The following DLGAP2 variants were observed in gnomAD, a reference collection of about 807,000 sequenced individuals.
DLGAP2 encodes disks large-associated protein 2.
A neutral mutation model predicts 100.3 loss-of-function variants in DLGAP2; 26 were observed. The observed-to-expected ratio is 0.26, with a 90% CI of 0.19 to 0.36. DLGAP2 has a LOEUF of 0.36. Ranked by LOEUF, DLGAP2 falls within the 10% of genes least tolerant of loss-of-function variation. The pLI, the probability that DLGAP2 is intolerant of heterozygous loss-of-function variation, is 1.00. For missense variants in DLGAP2, 1,858 were observed against 1,453.2 expected, an observed-to-expected ratio of 1.28 and a Z score of -4.53; for synonymous variants, 886 against 630.1, an observed-to-expected ratio of 1.41 and a Z score of -6.08.
intron 3 of DLGAP2, among the ~76,000 whole-genome samples, chr8:1,454,623 A>C (rs758847612): frequency 3.3e-5 from 5 of 152,130 alleles, no homozygotes; most frequent in Non-Finnish European, 7.4e-5. Flanking sequence ...TACATTTCCG[A>C]GCTCCATTCC....
chr8:818,287 T>C lies in DLGAP2; in HGVS notation c.18+80462T>C, dbSNP rs1585896277. ...GGTCGCTAGGGAAGTGGGGGAAAGC[T>C]GTCAGTGACAGACCTCACCCCACTC... is the stretch of plus-strand genomic sequence containing the variant. On this transcript the variant is annotated intron_variant, in intron 1 of 14. Coordinates refer to ENST00000637795, the MANE Select transcript of DLGAP2 (RefSeq NM_001346810.2). 2.6e-5 allele frequency among the ~76,000 whole-genome samples: 4 copies of C among 152,266 alleles called. No homozygotes were observed. In the South Asian group the frequency reaches 8.3e-4, roughly 32 times the overall value.
At chr8:1,576,786 A>T (rs1406736709) in intron 6 of DLGAP2, among the ~76,000 whole-genome samples, 2 of 152,100 alleles carry the variant, frequency 1.3e-5, no homozygotes, top group African/African-American at 4.8e-5. Flanking sequence ...GATGTGTGGT[A>T]TTATTTCTGA....
intron 2 of DLGAP2, among the ~76,000 whole-genome samples, chr8:962,640 CA>C (rs1337058245): frequency 6.6e-6 from 1 of 152,012 alleles, no homozygotes; most frequent in Non-Finnish European, 1.5e-5. Flanking sequence ...AACCCTGTGA[CA>C]AAATGGAGAG....
At chr8:1,693,412 A>G (rs967377891) in intron 13 of DLGAP2, among the ~76,000 whole-genome samples, 1 of 151,846 alleles carries the variant, frequency 6.6e-6, no homozygotes, top group African/African-American at 2.4e-5. Flanking sequence ...TTGGCTGACT[A>G]AAGTATTCAC....
chr8:1,045,119 G>A (rs1334197008), intron 2 of DLGAP2, among the ~76,000 whole-genome samples: 1 of 152,216 alleles, frequency 6.6e-6, no homozygotes, highest in Non-Finnish European at 1.5e-5. Flanking sequence ...AACCACAGAG[G>A]TTGAACGCAG....
At chr8:1,384,711 G>A (rs1480870934) in intron 3 of DLGAP2, among the ~76,000 whole-genome samples, 1 of 64,192 alleles carries the variant, frequency 1.6e-5, no homozygotes, top group African/African-American at 6.5e-5. Flanking sequence ...CAGTTACCCC[G>A]GCCTATGCCC....
At chr8:1,529,072 T>G (rs2130447495) in intron 4 of DLGAP2, among the ~76,000 whole-genome samples, 1 of 117,496 alleles carries the variant, frequency 8.5e-6, no homozygotes, top group East Asian at 2.4e-4. Context: ...AAGAGCTGCC[T>G]GAGACTGGGT....
At chr8:1,330,880 T>C (rs1801141739) in intron 3 of DLGAP2, among the ~76,000 whole-genome samples, 1 of 147,344 alleles carries the variant, frequency 6.8e-6, no homozygotes, top group African/African-American at 2.6e-5. Flanking sequence ...GGAGCATCGC[T>C]TCACGGGGAC....
intron 2 of DLGAP2, among the ~76,000 whole-genome samples, chr8:944,254 GA>G (rs1377002526): frequency 6.7e-6 from 1 of 149,914 alleles, no homozygotes; most frequent in Non-Finnish European, 1.5e-5. Flanking sequence ...GGTGGTAATT[GA>G]TCCTTGTGGG....
Position 1,467,065 on chromosome 8 carries a change from G to T in DLGAP2, c.107-34301G>T, listed in dbSNP as rs1253031893. On this transcript the variant is annotated intron_variant, in intron 3 of 14. Transcript: ENST00000637795. ...TTGCCGGGTGATAAAGAAGACGGATGCCCGGCCCCGGGACCAGGATGGTCA... is the reference window on the plus strand; with the variant it reads ...TTGCCGGGTGATAAAGAAGACGGATTCCCGGCCCCGGGACCAGGATGGTCA... 2.0e-5 allele frequency among the ~76,000 whole-genome samples: 3 copies of T among 152,134 alleles called. No individual in the cohort carries two copies. In the East Asian group the frequency reaches 5.8e-4, roughly 29 times the overall value.
At chr8:1,323,482 C>G (rs562526205) in intron 3 of DLGAP2, among the ~76,000 whole-genome samples, 2 of 152,358 alleles carry the variant, frequency 1.3e-5, no homozygotes, top group Non-Finnish European at 2.9e-5. Flanking sequence ...TCCCACCCCA[C>G]ACTGTGGCTC....
intron 2 of DLGAP2, among the ~76,000 whole-genome samples, chr8:1,220,065 A>G (rs1798287113): frequency 6.6e-6 from 1 of 151,806 alleles, no homozygotes; most frequent in Admixed American, 6.6e-5. Flanking sequence ...AAACCAACTT[A>G]TGGTTTTGTT....
chr8:1,647,775 C>T (rs912959870), intron 8 of DLGAP2, among the ~76,000 whole-genome samples: 1 of 152,154 alleles, frequency 6.6e-6, no homozygotes, highest in African/African-American at 2.4e-5. Context: ...GCGTCATAGC[C>T]TGCCTGGCTT....
At chr8:1,408,734 A>G (rs1382830253) in intron 3 of DLGAP2, among the ~76,000 whole-genome samples, 2 of 152,198 alleles carry the variant, frequency 1.3e-5, no homozygotes, top group Non-Finnish European at 2.9e-5. Context: ...TGGTGAAAGC[A>G]GAACCCGGGA....
At chr8:1,226,516 A>C (rs1244854170) in intron 2 of DLGAP2, among the ~76,000 whole-genome samples, 1 of 152,194 alleles carries the variant, frequency 6.6e-6, no homozygotes, top group South Asian at 2.1e-4. Flanking sequence ...TAGCTAATGC[A>C]TGTGGGGCTT....
rs565735921 is a variant in DLGAP2 at position 898,919 on chromosome 8, C to G, written c.19-8993C>G. Among the ~76,000 whole-genome samples, 792 of 152,330 alleles carry G rather than the reference C, an allele frequency of 5.2e-3. 2 individuals are homozygous for G. The highest frequency in any genetic ancestry group is 8.7e-3 in the Non-Finnish European group (594 of 68,024). ...GAGAATGTTTCTTGCACCAGCAGCG[C>G]CGACAGTTCCTGGGAGCTTGACGGA... On this transcript the variant is annotated intron_variant, in intron 1 of 14. Coordinates refer to ENST00000637795, the MANE Select transcript of DLGAP2 (RefSeq NM_001346810.2).
At position 1,549,721 on chromosome 8, in the gene DLGAP2, A is replaced by C. The variant is rs748542262; in HGVS notation, c.1230+38A>C. On this transcript the variant is annotated intron_variant, in intron 5 of 14. Transcript: ENST00000637795. ...ACGGCCCTGTGGAGGCCGTCTCGGC[A>C]CAGCAGGTGGTATTGTCGTTATTCC... 4.0e-6 allele frequency: 6 copies of C among 1,496,512 alleles called. No homozygotes were observed. In the Admixed American group the frequency reaches 1.3e-4, roughly 33 times the overall value. The allele number at this position is 1,496,512 out of a possible 1,614,324, so 92.7% of individuals were successfully genotyped here.
intron 3 of DLGAP2, among the ~76,000 whole-genome samples, chr8:1,409,419 T>C (rs1360735039): frequency 6.6e-6 from 1 of 152,218 alleles, no homozygotes; most frequent in African/African-American, 2.4e-5. Context: ...CAGAATTGTC[T>C]AGACCAGCTG....
At chr8:1,417,921 C>G (rs892142166) in intron 3 of DLGAP2, among the ~76,000 whole-genome samples, 4 of 152,040 alleles carry the variant, frequency 2.6e-5, no homozygotes, top group African/African-American at 9.7e-5. Flanking sequence ...TAAAATATTA[C>G]ATTTTCAAAA....
Sources: gnomAD v4.1 joint callset for allele counts (sites outside exome capture counted in the v4.1 genomes callset) on GRCh38, gnomAD v4.1.1 for gene constraint, MANE v1.5 for transcripts, NCBI Gene and HGNC (gene_info 2026-07-23, HGNC 2026-07-21) for gene names.